The following PSD3 variants were observed in gnomAD, a reference collection of about 807,000 sequenced individuals.
The protein encoded by PSD3 is pleckstrin and Sec7 domain containing 3.
PSD3 carries 49 observed loss-of-function variants against 105.5 expected under a neutral mutation model. The ratio of observed to expected loss-of-function variants is 0.46; its 90% confidence interval spans 0.37 to 0.59. The LOEUF (loss-of-function observed/expected upper bound fraction) is 0.59. Among genes scored for constraint, PSD3 ranks in the 20% least tolerant of loss-of-function variants. PSD3 has a pLI of 0.00. For synonymous variants in PSD3, 557 were observed against 457.8 expected (o/e 1.22, Z -2.77); for missense variants, 1,561 against 1,263.8 (o/e 1.24, Z -3.57).
chr8:18,603,653 CCA>C (rs2130591854), intron 11 of PSD3, among the ~76,000 whole-genome samples: 1 of 152,282 alleles, frequency 6.6e-6, no homozygotes, highest in African/African-American at 2.4e-5. Context: ...GCTACAATCC[CCA>C]GTGTTGGAGG....
intron 1 of PSD3, among the ~76,000 whole-genome samples, chr8:18,988,646 C>T (rs570999116): frequency 1.3e-5 from 2 of 152,186 alleles, no homozygotes; most frequent in Non-Finnish European, 2.9e-5. Context: ...TCCAATCACA[C>T]TACTTAAGCC....
chr8:18,904,501 G>A (rs1364851749), intron 2 of PSD3, among the ~76,000 whole-genome samples: 1 of 152,224 alleles, frequency 6.6e-6, no homozygotes, highest in Non-Finnish European at 1.5e-5. Flanking sequence ...AAGGTTTAAT[G>A]TCTTCCCTGC....
chr8:18,823,814 A>C (rs567388232), intron 4 of PSD3, among the ~76,000 whole-genome samples: 27 of 149,216 alleles, frequency 1.8e-4, no homozygotes, highest in East Asian at 5.9e-4. Flanking sequence ...ACACACACAC[A>C]CCCCATTCCA....
intron 8 of PSD3, among the ~76,000 whole-genome samples, chr8:18,787,158 T>C (rs903558223): frequency 3.9e-5 from 6 of 152,220 alleles, no homozygotes; most frequent in African/African-American, 1.2e-4. Flanking sequence ...TCATACACTA[T>C]CACAGTTCCA....
At chr8:18,615,102 C>A (rs940093299) in intron 11 of PSD3, among the ~76,000 whole-genome samples, 1 of 151,978 alleles carries the variant, frequency 6.6e-6, no homozygotes, top group Non-Finnish European at 1.5e-5. Flanking sequence ...AATTCTTTGC[C>A]GTCTACTTTT....
At chr8:18,539,009 T>A (rs970575673) in intron 15 of PSD3, among the ~76,000 whole-genome samples, 1 of 152,176 alleles carries the variant, frequency 6.6e-6, no homozygotes, top group African/African-American at 2.4e-5. Context: ...CATTTCTGAC[T>A]TAAAAAAGGC....
intron 9 of PSD3, among the ~76,000 whole-genome samples, chr8:18,663,224 C>G (rs1007332303): frequency 6.6e-6 from 1 of 152,008 alleles, no homozygotes; most frequent in Non-Finnish European, 1.5e-5. Flanking sequence ...CCCAGGAGTT[C>G]GAAACCAGCC....
chr8:18,964,522 T>TA (rs1563469031), intron 1 of PSD3, among the ~76,000 whole-genome samples: 1 of 152,114 alleles, frequency 6.6e-6, no homozygotes, highest in Non-Finnish European at 1.5e-5. Context: ...TTTTTTTTTT[T>TA]ACTTCAAAGA....
intron 3 of PSD3, among the ~76,000 whole-genome samples, chr8:18,869,325 G>A (rs1273583615): frequency 6.6e-6 from 1 of 151,904 alleles, no homozygotes; most frequent in Non-Finnish European, 1.5e-5. Context: ...AAGCAGCTGG[G>A]ATTACAGGCA....
At chr8:18,866,645 T>C (rs914596261) in intron 4 of PSD3, among the ~76,000 whole-genome samples, 1 of 152,116 alleles carries the variant, frequency 6.6e-6, no homozygotes, top group Non-Finnish European at 1.5e-5. Flanking sequence ...ATAGCTACAA[T>C]GTCACAAGGA....
intron 1 of PSD3, among the ~76,000 whole-genome samples, chr8:19,072,915 C>A (rs868084573): frequency 6.6e-6 from 1 of 152,106 alleles, no homozygotes; most frequent in African/African-American, 2.4e-5. Flanking sequence ...ACTTTTGTAC[C>A]GTTGAAATTT....
At chr8:18,612,629 C>G (rs182595306) in intron 11 of PSD3, among the ~76,000 whole-genome samples, 1 of 152,164 alleles carries the variant, frequency 6.6e-6, no homozygotes, top group African/African-American at 2.4e-5. Context: ...CTCGGCCTCC[C>G]AAAGTGCTGG....
intron 9 of PSD3, among the ~76,000 whole-genome samples, chr8:18,740,499 T>C (rs931758133): frequency 6.6e-6 from 1 of 152,162 alleles, no homozygotes; most frequent in African/African-American, 2.4e-5. Context: ...AGCAGTCACA[T>C]TATTGCCCTC....
chr8:18,848,841 T>C (rs1161590587), intron 4 of PSD3, among the ~76,000 whole-genome samples: 1 of 152,206 alleles, frequency 6.6e-6, no homozygotes, highest in East Asian at 1.9e-4. Flanking sequence ...CATACAAAAA[T>C]GTGGCAACTG....
intron 9 of PSD3, among the ~76,000 whole-genome samples, chr8:18,692,551 G>T (rs1352619635): frequency 2.6e-5 from 4 of 152,166 alleles, no homozygotes; most frequent in African/African-American, 9.7e-5. Context: ...AGAAAATCAG[G>T]CCATAATGGA....
chr8:18,535,726 C>T lies in PSD3; in HGVS notation c.*17G>A. 2 of 1,584,018 alleles carry T rather than the reference C, an allele frequency of 1.3e-6. No individual in the cohort carries two copies. The highest frequency in any genetic ancestry group is 2.2e-5 in the South Asian group (2 of 90,488). ...TATTTTGCTCCATGACCAGCACTTC[C>T]TGGCCGCAGATGGACTCTAAGTAAC... On this transcript the variant is annotated 3_prime_UTR_variant, in exon 16 of 16. Transcript: ENST00000327040.
At chr8:18,611,211 G>C (rs369044553) in intron 11 of PSD3, among the ~76,000 whole-genome samples, 1 of 140,602 alleles carries the variant, frequency 7.1e-6, no homozygotes. Context: ...AGAGGTTAGA[G>C]AACACTTTAA....
In PSD3 at chr8:18,993,743, A is replaced by G. The variant is rs11990313; in HGVS notation, c.21+19820T>C. ...TGCTGAGGCTCAATTTAAATCGAAGATCAATCAGAAACCAAGATAAAGTAA... is the reference window on the plus strand; with the variant it reads ...TGCTGAGGCTCAATTTAAATCGAAGGTCAATCAGAAACCAAGATAAAGTAA... On this transcript the variant is annotated intron_variant, in intron 1 of 15. Coordinates refer to ENST00000327040, the MANE Select transcript of PSD3 (RefSeq NM_015310.4). 1.2e-3 allele frequency among the ~76,000 whole-genome samples: 180 copies of G among 152,178 alleles called. 1 individual carries two copies. Among genetic ancestry groups the G allele is most frequent in the African/African-American group, 3.7e-3 (154 of 41,552 alleles).
chr8:18,996,765 T>C (rs1247933029), intron 1 of PSD3, among the ~76,000 whole-genome samples: 1 of 151,926 alleles, frequency 6.6e-6, no homozygotes, highest in Non-Finnish European at 1.5e-5. Context: ...CTACATTTGA[T>C]GTTTCCGTTT....
Sources: gnomAD v4.1 joint callset for allele counts (sites outside exome capture counted in the v4.1 genomes callset) on GRCh38, gnomAD v4.1.1 for gene constraint, MANE v1.5 for transcripts, NCBI Gene and HGNC (gene_info 2026-07-23, HGNC 2026-07-21) for gene names.